PMFBP1: variants seen among roughly 807,000 people sequenced by gnomAD.
PMFBP1 encodes the protein polyamine-modulated factor 1-binding protein 1.
In PMFBP1, 131 loss-of-function variants were observed where a neutral mutation model predicts 137.8. The ratio of observed to expected loss-of-function variants is 0.95; its 90% confidence interval spans 0.82 to 1.10. The LOEUF (loss-of-function observed/expected upper bound fraction) is 1.10. PMFBP1 is among the 50% of genes least tolerant of loss of function. The pLI is 0.00. For missense variants in PMFBP1, 1,199 were observed against 1,175.4 expected (o/e 1.02, Z -0.29); for synonymous variants, 490 against 450.4 (o/e 1.09, Z -1.11).
chr16:72,187,130 AT>A, the PMFBP1 span, among the ~76,000 whole-genome samples: 1 of 151,810 alleles, frequency 6.6e-6, no homozygotes, highest in African/African-American at 2.4e-5. Context: ...AAAAAAATAA[AT>A]AAAAAAATAA....
the PMFBP1 span, among the ~76,000 whole-genome samples, chr16:72,232,754 T>C: frequency 6.6e-6 from 1 of 152,132 alleles, no homozygotes; most frequent in Non-Finnish European, 1.5e-5. Flanking sequence ...GAGTGAAGAC[T>C]TCAGGGAGAC....
chr16:72,223,129 T>G, the PMFBP1 span, among the ~76,000 whole-genome samples: 1 of 152,066 alleles, frequency 6.6e-6, no homozygotes, highest in Non-Finnish European at 1.5e-5. Flanking sequence ...TGCTTCCTGT[T>G]CTCCAGGACA....
Position 72,123,543 on chromosome 16 carries a change from CACTT to C in PMFBP1, c.2692_2693+2del. 1 of 1,613,704 alleles carries C rather than the reference CACTT, an allele frequency of 6.2e-7. No homozygotes were observed. Among genetic ancestry groups the C allele is most frequent in the Non-Finnish European group, 8.5e-7 (1 of 1,179,692 alleles). ...CTGCCTCCCTTTTTCCTCCCATACT[CACTT>C]CTGCTGTTTTGCCCATTGCTCCAAG... On this transcript the variant is annotated splice_donor_variant and coding_sequence_variant, in exon 18 of 21. Coordinates refer to ENST00000237353, the MANE Select transcript of PMFBP1 (RefSeq NM_031293.3). LOFTEE classifies it high-confidence loss of function.
chr16:72,149,068 C>T (rs1045727213), intron 5 of PMFBP1, among the ~76,000 whole-genome samples: 1 of 152,198 alleles, frequency 6.6e-6, no homozygotes, highest in Non-Finnish European at 1.5e-5. Flanking sequence ...TTGCTTTCCG[C>T]TCCTTCCTTT....
At chr16:72,153,807 A>T (rs1214143721) in intron 4 of PMFBP1, among the ~76,000 whole-genome samples, 1 of 147,928 alleles carries the variant, frequency 6.8e-6, no homozygotes, top group African/African-American at 2.5e-5. Context: ...TCAAGACCTT[A>T]TTTTTCTAAA....
chr16:72,194,863 A>C, the PMFBP1 span, among the ~76,000 whole-genome samples: 1 of 152,220 alleles, frequency 6.6e-6, no homozygotes, highest in Non-Finnish European at 1.5e-5. Flanking sequence ...TGCTTAATAA[A>C]GGCTGCTCAG....
intron 14 of PMFBP1, among the ~76,000 whole-genome samples, chr16:72,126,709 T>C (rs368085256): frequency 3.3e-5 from 5 of 152,224 alleles, no homozygotes; most frequent in Admixed American, 1.3e-4. Flanking sequence ...TTGATCAACA[T>C]GTTAGGGAAC....
At chr16:72,179,595 T>TA (rs35524855), upstream of PMFBP1, among the ~76,000 whole-genome samples, 17,394 of 150,946 alleles carry the variant, frequency 0.12, 1,173 homozygotes, top group African/African-American at 0.19. Context: ...GTATTTTTGT[T>TA]AAAAAAAAAG....
In PMFBP1 at chr16:72,130,349, A is replaced by G. The variant is rs746003227; in HGVS notation, c.1646T>C (p.Val549Ala). Residue 549 changes from valine to alanine, a missense_variant, in exon 12 of 21, where the codon GTG becomes GCG. Physicochemically the swap from Val to Ala is moderately conservative, Grantham distance 64. Coordinates refer to ENST00000237353, the MANE Select transcript of PMFBP1 (RefSeq NM_031293.3). ...EKEQTSNRKRVEELSLELSEA... is the reference protein window; with the variant it reads ...EKEQTSNRKRAEELSLELSEA... ...AGAGAGTTCTAATGACAGCTCCTCC[A>G]CCCGTTTTCTAAAGCAAAATAACAG... The G allele has an allele frequency of 1.2e-6, 2 of 1,613,980 alleles. No homozygotes were observed. Among genetic ancestry groups the G allele is most frequent in the Admixed American group, 1.7e-5 (1 of 59,984 alleles).
intron 5 of PMFBP1, among the ~76,000 whole-genome samples, chr16:72,142,698 C>T (rs2042741412): frequency 1.3e-5 from 2 of 152,088 alleles, no homozygotes; most frequent in Non-Finnish European, 2.9e-5. Flanking sequence ...TTATTTACAG[C>T]AAAAGGAAAA....
the PMFBP1 span, among the ~76,000 whole-genome samples, chr16:72,221,905 T>C: frequency 6.6e-6 from 1 of 152,188 alleles, no homozygotes; most frequent in African/African-American, 2.4e-5. Context: ...CTATATGAGG[T>C]GAAATATGCC....
chr16:72,194,207 G>C, the PMFBP1 span, among the ~76,000 whole-genome samples: 11 of 152,048 alleles, frequency 7.2e-5, no homozygotes, highest in African/African-American at 2.7e-4. Context: ...ATATTTAAAA[G>C]TCTTCATTAC....
chr16:72,165,469 C>A (rs2043131623), intron 2 of PMFBP1, among the ~76,000 whole-genome samples: 1 of 150,798 alleles, frequency 6.6e-6, no homozygotes, highest in African/African-American at 2.4e-5. Context: ...GGCTGAAGTG[C>A]AGCGGCACGA....
intron 14 of PMFBP1, chr16:72,128,270 T>A: frequency 1.3e-6 from 1 of 778,222 alleles, no homozygotes; most frequent in Non-Finnish European, 1.8e-6. Context: ...CATTTTTACT[T>A]GTGTAATGAA....
At chr16:72,249,942 A>AAAG in the PMFBP1 span, among the ~76,000 whole-genome samples, 124 of 149,070 alleles carry the variant, frequency 8.3e-4, no homozygotes, top group Non-Finnish European at 1.4e-3. Context: ...AAAAAAAAAA[A>AAAG]AAGAAAGAAA....
chr16:72,175,567 G>T (rs2043256125), upstream of PMFBP1, among the ~76,000 whole-genome samples: 1 of 152,164 alleles, frequency 6.6e-6, no homozygotes, highest in Non-Finnish European at 1.5e-5. Context: ...TTCCTTCATG[G>T]CCTGGATGGA....
At chr16:72,214,503 G>A in the PMFBP1 span, among the ~76,000 whole-genome samples, 6 of 152,150 alleles carry the variant, frequency 3.9e-5, no homozygotes, top group South Asian at 2.1e-4. Context: ...TAGAAGGAAC[G>A]ATGAGAAATT....
chr16:72,194,738 A>G, the PMFBP1 span, among the ~76,000 whole-genome samples: 1 of 152,196 alleles, frequency 6.6e-6, no homozygotes, highest in Non-Finnish European at 1.5e-5. Context: ...ACCCAAATCC[A>G]TCCTTGACAA....
chr16:72,147,508 G>A (rs2144390592), intron 5 of PMFBP1, among the ~76,000 whole-genome samples: 1 of 152,232 alleles, frequency 6.6e-6, no homozygotes, highest in East Asian at 1.9e-4. Flanking sequence ...GGCAACTAAA[G>A]CCAAAATAGA....
Sources: allele counts gnomAD v4.1 joint callset (sites outside exome capture counted in the v4.1 genomes callset), GRCh38; gene constraint gnomAD v4.1.1; transcripts MANE v1.5; gene names NCBI Gene and HGNC (gene_info 2026-07-23, HGNC 2026-07-21).